The following BICD1 variants were observed in gnomAD, a reference collection of about 807,000 sequenced individuals.
The protein encoded by BICD1 is BICD cargo adaptor 1.
Under a neutral mutation model 92.5 loss-of-function variants are expected in BICD1, and 35 were observed. That is an observed-to-expected ratio of 0.38 (90% CI 0.29 to 0.50). The LOEUF is 0.50. Among genes scored for constraint, BICD1 ranks in the 20% least tolerant of loss-of-function variants. BICD1 has a pLI of 0.93. For synonymous variants in BICD1, 429 were observed against 465.1 expected, an observed-to-expected ratio of 0.92 and a Z score of 1.00; for missense variants, 950 against 1,189.8, an observed-to-expected ratio of 0.80 and a Z score of 2.97.
At chr12:32,279,435 CG>C (rs1947360332) in intron 2 of BICD1, among the ~76,000 whole-genome samples, 1 of 151,972 alleles carries the variant, frequency 6.6e-6, no homozygotes, top group Admixed American at 6.6e-5. Context: ...AAAGCTTTCC[CG>C]TAAAAATACA....
At position 32,282,683 on chromosome 12, in the gene BICD1, TCAAC is replaced by T. The variant is rs561085265; in HGVS notation, c.427-11309_427-11306del. Among the ~76,000 whole-genome samples the T allele has an allele frequency of 7.7e-3, 1,168 of 152,212 alleles. 12 individuals are homozygous for T. The highest frequency in any genetic ancestry group is 0.027 in the African/African-American group (1,119 of 41,530). ...GGGGCTTGGTACAGACCTGGATGGC[TCAAC>T]CTTTAGAGGTTGAGCAGAGACGAGG... On this transcript the variant is annotated intron_variant, in intron 2 of 9. Coordinates refer to ENST00000652176, the MANE Select transcript of BICD1 (RefSeq NM_001714.4).
intron 1 of BICD1, among the ~76,000 whole-genome samples, chr12:32,168,032 G>C (rs2121513682): frequency 6.6e-6 from 1 of 151,940 alleles, no homozygotes; most frequent in South Asian, 2.1e-4. Flanking sequence ...GTGTGTGTGT[G>C]TGTGTATACT....
chr12:32,212,414 G>A (rs1945242853), intron 1 of BICD1, among the ~76,000 whole-genome samples: 1 of 152,108 alleles, frequency 6.6e-6, no homozygotes, highest in Non-Finnish European at 1.5e-5. Context: ...GAAGCAATAT[G>A]CTGTGACATT....
chr12:32,272,849 T>C (rs541673482), intron 2 of BICD1, among the ~76,000 whole-genome samples: 1 of 152,338 alleles, frequency 6.6e-6, no homozygotes, highest in African/African-American at 2.4e-5. Context: ...TTCTAGACTC[T>C]TGTGGAGGGT....
intron 1 of BICD1, among the ~76,000 whole-genome samples, chr12:32,110,217 C>T (rs574637737): frequency 6.6e-6 from 1 of 152,260 alleles, no homozygotes; most frequent in African/African-American, 2.4e-5. Context: ...ACTGCTGTGA[C>T]AATAATGCAA....
chr12:32,215,999 T>C (rs1343380647), intron 1 of BICD1, among the ~76,000 whole-genome samples: 2 of 142,044 alleles, frequency 1.4e-5, no homozygotes, highest in South Asian at 4.6e-4. Flanking sequence ...CAAGTAACAA[T>C]GTTTTTCAAG....
chr12:32,202,299 G>A (rs1434091280), intron 1 of BICD1, among the ~76,000 whole-genome samples: 1 of 152,114 alleles, frequency 6.6e-6, no homozygotes, highest in Non-Finnish European at 1.5e-5. Context: ...GACTTCAAGG[G>A]GCCCAGTAGG....
intron 1 of BICD1, among the ~76,000 whole-genome samples, chr12:32,121,585 T>C (rs1047018773): frequency 1.4e-5 from 2 of 139,174 alleles, no homozygotes; most frequent in African/African-American, 5.3e-5. Context: ...AGTCTTGTTC[T>C]GTCTCCAAAA....
chr12:32,282,242 A>C (rs1947436104), intron 2 of BICD1, among the ~76,000 whole-genome samples: 1 of 97,672 alleles, frequency 1.0e-5, no homozygotes, highest in Non-Finnish European at 1.9e-5. Flanking sequence ...TTTTTTTGAC[A>C]CAGGGTCTCA....
chr12:32,337,435 G>A lies in BICD1; in HGVS notation c.2253-64G>A, dbSNP rs2388987. 731,433 of 1,472,238 alleles carry A rather than the reference G, an allele frequency of 0.5. 185,960 individuals carry two copies. Among genetic ancestry groups the A allele is most frequent in the East Asian group, 0.78 (33,806 of 43,354 alleles). 91.2% of individuals were successfully genotyped at this position (1,472,238 alleles called of 1,614,324 possible). A position where few individuals can be genotyped will look rare whatever the true frequency, so the allele number is the denominator to read the frequency against. ...TTTCGGTCAAATTTATTACTTTTCAGCTTAACTCCCAAATTCAGTTTCACC... is the reference window on the plus strand; with the variant it reads ...TTTCGGTCAAATTTATTACTTTTCAACTTAACTCCCAAATTCAGTTTCACC... On this transcript the variant is annotated intron_variant, in intron 6 of 9. Coordinates refer to ENST00000652176, the MANE Select transcript of BICD1 (RefSeq NM_001714.4). The surrounding 1 kb of genome is among the most constrained non-coding windows in gnomAD (Gnocchi z 4.7).
At chr12:32,226,347 T>C (rs760040063) in intron 2 of BICD1, among the ~76,000 whole-genome samples, 47 of 152,178 alleles carry the variant, frequency 3.1e-4, no homozygotes, top group Non-Finnish European at 5.4e-4. Flanking sequence ...GTTGGTCAGC[T>C]GGTCTCAAAC....
chr12:32,353,255 G>C (rs1938962849), intron 8 of BICD1: 1 of 152,002 alleles, frequency 6.6e-6, no homozygotes, highest in Admixed American at 6.6e-5. Flanking sequence ...AAATGAATAA[G>C]CATCTTCTGT....
At chr12:32,187,409 C>T (rs1045618226) in intron 1 of BICD1, among the ~76,000 whole-genome samples, 1 of 152,110 alleles carries the variant, frequency 6.6e-6, no homozygotes, top group African/African-American at 2.4e-5. Flanking sequence ...CGCGGTGGCT[C>T]ACGTCTGTAA....
chr12:32,205,866 G>A (rs1945040970), intron 1 of BICD1, among the ~76,000 whole-genome samples: 1 of 151,240 alleles, frequency 6.6e-6, no homozygotes, highest in Admixed American at 6.6e-5. Flanking sequence ...CTCCACTCCT[G>A]TCCCCGCCCC....
intron 2 of BICD1, among the ~76,000 whole-genome samples, chr12:32,241,085 A>G (rs911842391): frequency 6.6e-6 from 1 of 152,202 alleles, no homozygotes; most frequent in African/African-American, 2.4e-5. Flanking sequence ...ATTAAGCTTC[A>G]GATTGAGAGA....
intron 2 of BICD1, among the ~76,000 whole-genome samples, chr12:32,230,114 G>C (rs1040815749): frequency 6.6e-6 from 1 of 152,122 alleles, no homozygotes. Context: ...AAGGTCAGCA[G>C]CTGAGAGGGA....
Position 32,357,304 on chromosome 12 carries a change from C to T in BICD1, c.2765-10366C>T, listed in dbSNP as rs1592716136. ...CTGGGATTACAGGCATGAGCAACCA[C>T]ACCCAGCCCCAGATTATCCTTCTTA... On this transcript the variant is annotated intron_variant, in intron 8 of 9. Transcript: ENST00000652176. Among the ~76,000 whole-genome samples, 5 of 152,294 alleles carry T rather than the reference C, an allele frequency of 3.3e-5. No homozygotes were observed. The South Asian group carries it at 1.0e-3, about 32-fold the overall frequency.
In BICD1 at chr12:32,248,793, T is replaced by C. The variant is rs139061386; in HGVS notation, c.426+32334T>C. Among the ~76,000 whole-genome samples the C allele has an allele frequency of 4.5e-3, 683 of 152,176 alleles. 4 individuals are homozygous for C. The highest frequency in any genetic ancestry group is 0.016 in the African/African-American group (655 of 41,514). ...AGAATTTATTAAGCAAAAGGAAAGC[T>C]CTCAGCAAAGAGGGGGGTCTGGAAA... On this transcript the variant is annotated intron_variant, in intron 2 of 9. Coordinates refer to ENST00000652176, the MANE Select transcript of BICD1 (RefSeq NM_001714.4).
chr12:32,329,607 G>T lies in BICD1; in HGVS notation c.2100+1052G>T, dbSNP rs577534137. On this transcript the variant is annotated intron_variant, in intron 5 of 9. Transcript: ENST00000652176. ...GAAATAATAGAGAGTGTGTGTGAGA[G>T]AGTATAAGAATGAGCTCTACCTGTG... is the stretch of plus-strand genomic sequence containing the variant. 3.3e-5 allele frequency among the ~76,000 whole-genome samples: 5 copies of T among 152,314 alleles called. No individual in the cohort carries two copies. The South Asian group carries it at 8.3e-4, about 25-fold the overall frequency.
Sources: gnomAD v4.1 joint callset for allele counts (sites outside exome capture counted in the v4.1 genomes callset) on GRCh38, gnomAD v4.1.1 for gene constraint, Gnocchi (gnomAD v3.1) non-coding constraint, MANE v1.5 for transcripts, NCBI Gene and HGNC (gene_info 2026-07-23, HGNC 2026-07-21) for gene names.